ABTB3: variants seen among roughly 807,000 people sequenced by gnomAD.
The protein encoded by ABTB3 is ankyrin repeat and BTB domain containing 3, also known as ankyrin repeat- and BTB/POZ domain-containing protein 3.
chr12:107,453,858 C>T, the ABTB3 span, among the ~76,000 whole-genome samples: 1 of 152,020 alleles, frequency 6.6e-6, no homozygotes, highest in Non-Finnish European at 1.5e-5. Flanking sequence ...GAAAGTAAAA[C>T]CCTGGGAATT....
chr12:107,626,855 C>A, the ABTB3 span, among the ~76,000 whole-genome samples: 2 of 152,134 alleles, frequency 1.3e-5, no homozygotes, highest in African/African-American at 4.8e-5. Context: ...ACCAAATAGA[C>A]ATAGGATCAA....
At chr12:107,364,350 G>A in the ABTB3 span, among the ~76,000 whole-genome samples, 27 of 151,422 alleles carry the variant, frequency 1.8e-4, no homozygotes, top group African/African-American at 5.8e-4. Context: ...GTGCAGTGGC[G>A]TGATCTCAGC....
chr12:107,340,229 T>C, the ABTB3 span, among the ~76,000 whole-genome samples: 4 of 152,218 alleles, frequency 2.6e-5, no homozygotes, highest in Admixed American at 6.5e-5. Context: ...GGATATTTTC[T>C]TGCGCTCAAG....
the ABTB3 span, among the ~76,000 whole-genome samples, chr12:107,462,863 GATA>G: frequency 6.6e-6 from 1 of 152,068 alleles, no homozygotes; most frequent in African/African-American, 2.4e-5. Context: ...TGACCGTGAT[GATA>G]ATAGTAGTGA....
At chr12:107,491,839 A>C in the ABTB3 span, among the ~76,000 whole-genome samples, 2 of 151,840 alleles carry the variant, frequency 1.3e-5, no homozygotes, top group African/African-American at 4.8e-5. Context: ...AAAAAAAAAA[A>C]AAACCCGGTT....
chr12:107,511,266 A>G, the ABTB3 span, among the ~76,000 whole-genome samples: 2 of 152,074 alleles, frequency 1.3e-5, no homozygotes, highest in African/African-American at 4.8e-5. Flanking sequence ...AAGTTAACCA[A>G]CTCTCAGTTT....
At chr12:107,344,426 G>C in the ABTB3 span, among the ~76,000 whole-genome samples, 1 of 152,220 alleles carries the variant, frequency 6.6e-6, no homozygotes, top group East Asian at 1.9e-4. Flanking sequence ...GCTAGTTAAT[G>C]ACCTATTGTG....
chr12:107,426,598 A>G, the ABTB3 span, among the ~76,000 whole-genome samples: 1 of 152,010 alleles, frequency 6.6e-6, no homozygotes, highest in African/African-American at 2.4e-5. Context: ...CATCTTGACC[A>G]CGTTTGGGTT....
At chr12:107,508,438 C>CTTTTTTTTTGT in the ABTB3 span, among the ~76,000 whole-genome samples, 1 of 69,150 alleles carries the variant, frequency 1.4e-5, no homozygotes, top group African/African-American at 5.4e-5. Flanking sequence ...AAGATCATTT[C>CTTTTTTTTTGT]TTTTTTTTTT....
At chr12:107,331,356 T>G in the ABTB3 span, among the ~76,000 whole-genome samples, 1 of 152,150 alleles carries the variant, frequency 6.6e-6, no homozygotes, top group Non-Finnish European at 1.5e-5. Flanking sequence ...TACTCACAGA[T>G]AGTCACACAG....
chr12:107,329,994 G>C, the ABTB3 span, among the ~76,000 whole-genome samples: 7 of 152,228 alleles, frequency 4.6e-5, no homozygotes, highest in Admixed American at 2.6e-4. Flanking sequence ...TGGGAGTAAG[G>C]CTTCACTAAG....
At chr12:107,523,000 T>C in the ABTB3 span, among the ~76,000 whole-genome samples, 1 of 152,154 alleles carries the variant, frequency 6.6e-6, no homozygotes, top group East Asian at 1.9e-4. Flanking sequence ...ATGATCCAAT[T>C]GATTATCAAT....
At chr12:107,602,801 C>T in the ABTB3 span, among the ~76,000 whole-genome samples, 3 of 152,240 alleles carry the variant, frequency 2.0e-5, no homozygotes, top group Non-Finnish European at 2.9e-5. Context: ...GCCTCGGTGC[C>T]GCCTCCTTCC....
At chr12:107,459,166 T>A in the ABTB3 span, among the ~76,000 whole-genome samples, 1 of 152,240 alleles carries the variant, frequency 6.6e-6, no homozygotes, top group Non-Finnish European at 1.5e-5. Flanking sequence ...GCACTGTTAT[T>A]ATGCCCATTT....
chr12:107,319,024 G>A, the ABTB3 span: 17 of 1,613,504 alleles, frequency 1.1e-5, no homozygotes, highest in Non-Finnish European at 1.4e-5. Context: ...CGGCGGACTC[G>A]GTGCGCTCCT....
At chr12:107,574,646 C>T in the ABTB3 span, among the ~76,000 whole-genome samples, 1 of 152,192 alleles carries the variant, frequency 6.6e-6, no homozygotes, top group Non-Finnish European at 1.5e-5. Context: ...TGCTTGAACC[C>T]AGGAGGCAGA....
chr12:107,658,064 C>T, the ABTB3 span: 94 of 320,762 alleles, frequency 2.9e-4, no homozygotes, highest in Non-Finnish European at 4.4e-4. Context: ...GAGGACTTCA[C>T]CGTACCAACC....
the ABTB3 span, among the ~76,000 whole-genome samples, chr12:107,527,259 A>C: frequency 1.3e-5 from 2 of 149,888 alleles, no homozygotes; most frequent in Non-Finnish European, 3.0e-5. Flanking sequence ...CAGAGCTGTA[A>C]ATCCCATAAG....
chr12:107,643,854 T>C, the ABTB3 span, among the ~76,000 whole-genome samples: 62,484 of 150,300 alleles, frequency 0.42, 13,583 homozygotes, highest in Middle Eastern at 0.49. Context: ...ACCTCCACCT[T>C]CTGGGTTCAA....
Sources: allele counts gnomAD v4.1 joint callset (sites outside exome capture counted in the v4.1 genomes callset), GRCh38; gene constraint gnomAD v4.1.1; transcripts MANE v1.5; gene names NCBI Gene and HGNC (gene_info 2026-07-23, HGNC 2026-07-21).